Variants in TMEM131 observed in about 807,000 individuals in gnomAD.
TMEM131 encodes the protein 2610524E03Rik.
TMEM131 carries 66 observed loss-of-function variants against 211.6 expected under a neutral mutation model. The observed-to-expected ratio is 0.31, with a 90% CI of 0.26 to 0.38. TMEM131 has a LOEUF of 0.38. Ranked by LOEUF, TMEM131 falls within the 10% of genes least tolerant of loss-of-function variation. The probability of loss-of-function intolerance (pLI) is 1.00; values close to 1 mark genes in which losing one functional copy is unlikely to be tolerated. For missense variants in TMEM131, 2,036 were observed against 2,299.3 expected (o/e 0.89, Z 2.34); for synonymous variants, 844 against 841.3 (o/e 1.00, Z -0.06).
At chr2:97,861,496 A>C (rs549916310) in intron 4 of TMEM131, among the ~76,000 whole-genome samples, 1 of 151,896 alleles carries the variant, frequency 6.6e-6, no homozygotes, top group East Asian at 2.0e-4. Context: ...AATTCCCTGA[A>C]GGGTGAGTCC....
At chr2:97,863,797 A>T (rs1674160254) in intron 4 of TMEM131, among the ~76,000 whole-genome samples, 1 of 152,246 alleles carries the variant, frequency 6.6e-6, no homozygotes, top group Non-Finnish European at 1.5e-5. Context: ...TAGTACAAAC[A>T]CTAGGAACAA....
At position 97,834,737 on chromosome 2, in the gene TMEM131, A is replaced by C. The variant is rs1682862028; in HGVS notation, c.955+38T>G. 4 of 1,608,256 alleles carry C rather than the reference A, an allele frequency of 2.5e-6. No homozygotes were observed. In the African/African-American group the frequency reaches 4.0e-5, roughly 16 times the overall value. ...CTTTGCCAGAGTAAGCTATACTGAA[A>C]ACAAAACAACTTTCGATTTCATCAG... is the stretch of plus-strand genomic sequence containing the variant. On this transcript the variant is annotated intron_variant, in intron 9 of 40. Transcript: ENST00000186436.
chr2:97,825,501 A>G (rs58187838), intron 11 of TMEM131, among the ~76,000 whole-genome samples: 3,752 of 152,262 alleles, frequency 0.025, 166 homozygotes, highest in African/African-American at 0.087. Flanking sequence ...ATCCCCGGAT[A>G]CAGCAAGATG....
intron 31 of TMEM131, among the ~76,000 whole-genome samples, chr2:97,783,473 A>G (rs2104848881): frequency 6.6e-6 from 1 of 152,250 alleles, no homozygotes; most frequent in East Asian, 1.9e-4. Flanking sequence ...TTCTAAATGT[A>G]TGTAGAGGAA....
chr2:97,957,284 G>T (rs904158340), intron 1 of TMEM131, among the ~76,000 whole-genome samples: 1 of 152,044 alleles, frequency 6.6e-6, no homozygotes, highest in African/African-American at 2.4e-5. Flanking sequence ...ATTTTGTTGT[G>T]CCTGGTACTT....
intron 1 of TMEM131, among the ~76,000 whole-genome samples, chr2:97,948,127 G>A (rs544520114): frequency 6.6e-6 from 1 of 151,812 alleles, no homozygotes; most frequent in Non-Finnish European, 1.5e-5. Flanking sequence ...GTTTGGCAAA[G>A]ATATTCTTAA....
In TMEM131 at chr2:97,762,027, A is replaced by C. The variant is rs767707833; in HGVS notation, c.4889+8T>G. On this transcript the variant is annotated splice_region_variant and intron_variant, in intron 36 of 40. Coordinates refer to ENST00000186436, the MANE Select transcript of TMEM131 (RefSeq NM_015348.2). ...AGCTGAGAACCGGAAAGGAAGCAGC[A>C]GGCCTACCTGCTGGAGCTGCTGTTG... 8 of 1,546,276 alleles carry C rather than the reference A, an allele frequency of 5.2e-6. No individual in the cohort carries two copies. Among genetic ancestry groups the C allele is most frequent in the Non-Finnish European group, 6.9e-6 (8 of 1,153,162 alleles).
chr2:97,824,516 A>G (rs939735708), intron 11 of TMEM131, among the ~76,000 whole-genome samples: 1 of 152,194 alleles, frequency 6.6e-6, no homozygotes, highest in African/African-American at 2.4e-5. Context: ...CTCTTTTCAC[A>G]TGCCTTTCTC....
At chr2:97,804,679 C>G (rs1004935734) in intron 22 of TMEM131, among the ~76,000 whole-genome samples, 4 of 145,800 alleles carry the variant, frequency 2.7e-5, no homozygotes, top group African/African-American at 1.0e-4. Flanking sequence ...AGAAAACAGA[C>G]ACTCTGGTCT....
intron 8 of TMEM131, among the ~76,000 whole-genome samples, chr2:97,836,172 T>C (rs1367321234): frequency 1.3e-5 from 2 of 152,374 alleles, no homozygotes; most frequent in East Asian, 3.9e-4. Flanking sequence ...GTTGTGTTTC[T>C]ATATTCTGGG....
chr2:97,891,633 A>C (rs1340492969), intron 3 of TMEM131, among the ~76,000 whole-genome samples: 2 of 152,232 alleles, frequency 1.3e-5, no homozygotes, highest in African/African-American at 4.8e-5. Flanking sequence ...CTGTCAGGTC[A>C]AAGTTGAGCA....
chr2:97,814,491 T>C (rs1395939798), intron 13 of TMEM131, 103 bp from the exon 14 acceptor site: 8 of 1,129,550 alleles, frequency 7.1e-6, no homozygotes, highest in Non-Finnish European at 9.8e-6. Context: ...CATTTAGCAT[T>C]AGGGATTGTA....
intron 22 of TMEM131, among the ~76,000 whole-genome samples, chr2:97,804,530 G>C (rs1348825314): frequency 6.6e-6 from 1 of 150,746 alleles, no homozygotes; most frequent in African/African-American, 2.5e-5. Flanking sequence ...AAGCATGGTG[G>C]CATGTACCTG....
rs570757990 is a variant in TMEM131 at position 97,815,345 on chromosome 2, T to A, written c.1184-38A>T. ...ATAAAAAATAATCTCTGTTACCTTT[T>A]ACTACCAAAGAGAATTAGTGAATTT... is the stretch of plus-strand genomic sequence containing the variant. On this transcript the variant is annotated intron_variant, in intron 12 of 40. Transcript: ENST00000186436. The A allele has an allele frequency of 4.0e-5, 53 of 1,314,000 alleles. No individual in the cohort carries two copies. The African/African-American group carries it at 5.7e-4, about 14-fold the overall frequency. The allele number at this position is 1,314,000 out of a possible 1,614,324, so 81.4% of individuals were successfully genotyped here. A position where few individuals can be genotyped will look rare whatever the true frequency, so the allele number is the denominator to read the frequency against.
intron 3 of TMEM131, among the ~76,000 whole-genome samples, chr2:97,890,810 A>AT (rs1372637851): frequency 6.6e-6 from 1 of 152,142 alleles, no homozygotes; most frequent in Non-Finnish European, 1.5e-5. Context: ...GATAAGTTTT[A>AT]TTTTTTATGT....
At chr2:97,880,311 A>T (rs529021245) in intron 4 of TMEM131, among the ~76,000 whole-genome samples, 1 of 152,292 alleles carries the variant, frequency 6.6e-6, no homozygotes, top group East Asian at 1.9e-4. Flanking sequence ...GGCAAATAGG[A>T]AACCATTAAA....
At chr2:97,971,265 G>A (rs774474093) in intron 1 of TMEM131, among the ~76,000 whole-genome samples, 3 of 152,124 alleles carry the variant, frequency 2.0e-5, no homozygotes, top group Non-Finnish European at 2.9e-5. Flanking sequence ...ACAATGTGGG[G>A]GATGACACAC....
chr2:97,796,037 GAA>G, intron 28 of TMEM131, among the ~76,000 whole-genome samples, 179 bp downstream of exon 28: 1 of 151,342 alleles, frequency 6.6e-6, no homozygotes, highest in East Asian at 1.9e-4. Context: ...AAGATTAAGT[GAA>G]AAAAAATTTA....
intron 5 of TMEM131, among the ~76,000 whole-genome samples, chr2:97,853,030 C>A (rs949146454): frequency 1.3e-5 from 2 of 152,210 alleles, no homozygotes; most frequent in African/African-American, 2.4e-5. Flanking sequence ...AAAAAGATTT[C>A]TTTCCAAATA....
Sources: allele counts gnomAD v4.1 joint callset (sites outside exome capture counted in the v4.1 genomes callset), GRCh38; gene constraint gnomAD v4.1.1; transcripts MANE v1.5; gene names NCBI Gene and HGNC (gene_info 2026-07-23, HGNC 2026-07-21).